Variants in TBL1XR1 observed in about 807,000 individuals in gnomAD.
TBL1XR1 encodes F-box-like/WD repeat-containing protein TBL1XR1.
TBL1XR1 carries 5 observed loss-of-function variants against 66.9 expected under a neutral mutation model. That is an observed-to-expected ratio of 0.07 (90% CI 0.04 to 0.16). The LOEUF is 0.16. Ranked by LOEUF, TBL1XR1 falls within the 10% of genes least tolerant of loss-of-function variation. The pLI is 1.00. For missense variants in TBL1XR1, 238 were observed against 623.2 expected (o/e 0.38, Z 6.58); for synonymous variants, 210 against 206.0 (o/e 1.02, Z -0.17).
chr3:177,116,025 G>C (rs557683758), intron 1 of TBL1XR1, among the ~76,000 whole-genome samples: 1 of 152,192 alleles, frequency 6.6e-6, no homozygotes, highest in East Asian at 1.9e-4. Context: ...ACTTCTTCCT[G>C]CTTAAATATG....
chr3:177,173,526 T>A (rs1006421437), intron 1 of TBL1XR1, among the ~76,000 whole-genome samples: 2 of 152,156 alleles, frequency 1.3e-5, no homozygotes, highest in Non-Finnish European at 2.9e-5. Context: ...CTCAGTCTAA[T>A]CATTACAAAT....
chr3:177,110,322 G>A (rs1725396033), intron 1 of TBL1XR1, among the ~76,000 whole-genome samples: 1 of 152,198 alleles, frequency 6.6e-6, no homozygotes, highest in Admixed American at 6.5e-5. Context: ...AAAATAGAAT[G>A]TCTAATGACT....
At chr3:177,065,197 C>T (rs1444844154) in intron 2 of TBL1XR1, among the ~76,000 whole-genome samples, 175 bp from the exon 3 acceptor site, 3 of 151,944 alleles carry the variant, frequency 2.0e-5, no homozygotes, top group Non-Finnish European at 4.4e-5. Flanking sequence ...ATTATACAAC[C>T]AAAACATGGC....
chr3:177,081,294 A>C (rs1315891142), intron 2 of TBL1XR1, among the ~76,000 whole-genome samples: 1 of 152,176 alleles, frequency 6.6e-6, no homozygotes, highest in Non-Finnish European at 1.5e-5. Flanking sequence ...CATGAAATTT[A>C]TTTTTCATTT....
intron 1 of TBL1XR1, among the ~76,000 whole-genome samples, chr3:177,184,873 T>C (rs2862702): frequency 1.3e-5 from 2 of 152,028 alleles, no homozygotes; most frequent in African/African-American, 2.4e-5. Flanking sequence ...ACAACACTTG[T>C]TAATCATACC....
At chr3:177,107,698 G>C (rs1343280180) in intron 1 of TBL1XR1, among the ~76,000 whole-genome samples, 1 of 152,012 alleles carries the variant, frequency 6.6e-6, no homozygotes, top group Non-Finnish European at 1.5e-5. Flanking sequence ...ACACCATCCG[G>C]GGATCATGAA....
Position 177,019,834 on chromosome 3 carries a change from T to C in TBL1XR1, c.*5664A>G, listed in dbSNP as rs983958825. ...AGGATATTACTAATAATCTATGCCA[T>C]GCAATAAAAGTTAACCCCTTGAAAA... On this transcript the variant is annotated 3_prime_UTR_variant, in exon 16 of 16. Transcript: ENST00000457928. 3.9e-5 allele frequency: 6 copies of C among 152,146 alleles called. No individual in the cohort carries two copies. Among genetic ancestry groups the C allele is most frequent in the African/African-American group, 1.4e-4 (6 of 41,452 alleles). 9.4% of individuals were successfully genotyped at this position (152,146 alleles called of 1,614,324 possible).
In TBL1XR1 at chr3:177,036,149, C is replaced by T. The variant is rs374215658; in HGVS notation, c.1123-1824G>A. ...TTACTGAAGTTACTTCTCAGTTTTC[C>T]AAGAAGATATGTGTCTATTTCTATA... On this transcript the variant is annotated intron_variant, in intron 12 of 15. Coordinates refer to ENST00000457928, the MANE Select transcript of TBL1XR1 (RefSeq NM_024665.7). Among the ~76,000 whole-genome samples, 14 of 152,276 alleles carry T rather than the reference C, an allele frequency of 9.2e-5. No homozygotes were observed. The South Asian group carries it at 2.7e-3, about 29-fold the overall frequency.
At chr3:177,036,385 T>G (rs181420180) in intron 12 of TBL1XR1, among the ~76,000 whole-genome samples, 1 of 152,222 alleles carries the variant, frequency 6.6e-6, no homozygotes, top group Non-Finnish European at 1.5e-5. Context: ...CATTCCCTCT[T>G]CTCAGAAAAC....
At chr3:177,171,702 C>CA (rs34278942) in intron 1 of TBL1XR1, among the ~76,000 whole-genome samples, 3,882 of 47,066 alleles carry the variant, frequency 0.082, 678 homozygotes, top group African/African-American at 0.11. Context: ...GACTCCGTCT[C>CA]AAAAAAAAAA....
intron 1 of TBL1XR1, among the ~76,000 whole-genome samples, chr3:177,128,527 C>T (rs572616475): frequency 9.2e-5 from 14 of 152,254 alleles, no homozygotes; most frequent in African/African-American, 2.9e-4. Flanking sequence ...ATGCATCCCA[C>T]CACGCCTGGT....
intron 1 of TBL1XR1, among the ~76,000 whole-genome samples, chr3:177,106,860 C>G (rs1174953523): frequency 6.6e-6 from 1 of 151,920 alleles, no homozygotes; most frequent in Non-Finnish European, 1.5e-5. Context: ...GCTACTAAGG[C>G]TATTGAATCC....
intron 9 of TBL1XR1, among the ~76,000 whole-genome samples, chr3:177,046,530 T>C (rs1350499331): frequency 6.6e-6 from 1 of 152,120 alleles, no homozygotes; most frequent in East Asian, 1.9e-4. Context: ...AAGAGAGAAG[T>C]TCTTGGTTAA....
intron 4 of TBL1XR1, among the ~76,000 whole-genome samples, chr3:177,052,362 C>T (rs1393484474): frequency 1.3e-5 from 2 of 152,264 alleles, no homozygotes; most frequent in South Asian, 2.1e-4. Flanking sequence ...TAGCTGGGAA[C>T]ATGCATATGT....
intron 2 of TBL1XR1, among the ~76,000 whole-genome samples, chr3:177,076,549 T>C (rs1356846774): frequency 6.6e-6 from 1 of 152,162 alleles, no homozygotes; most frequent in Non-Finnish European, 1.5e-5. Flanking sequence ...AGGATACAAT[T>C]CAATCTATAA....
intron 1 of TBL1XR1, among the ~76,000 whole-genome samples, chr3:177,128,212 C>T (rs1297393128): frequency 6.6e-6 from 1 of 152,000 alleles, no homozygotes; most frequent in African/African-American, 2.4e-5. Flanking sequence ...GAACAAGACT[C>T]CGTCTCAGGA....
chr3:177,194,420 T>C (rs1736563761), intron 1 of TBL1XR1, among the ~76,000 whole-genome samples: 1 of 152,230 alleles, frequency 6.6e-6, no homozygotes, highest in African/African-American at 2.4e-5. Flanking sequence ...CTCCCCTGAC[T>C]TCCTACCATT....
At chr3:177,082,511 A>G (rs774723736) in intron 2 of TBL1XR1, among the ~76,000 whole-genome samples, 9 of 151,562 alleles carry the variant, frequency 5.9e-5, no homozygotes, top group Non-Finnish European at 1.3e-4. Context: ...AATTGAGCCT[A>G]TCAGAATAAC....
rs145483026 is a variant in TBL1XR1, at chr3:177,197,092, C to G, written c.-122+29G>C. The G allele has an allele frequency of 0.039, 5,922 of 152,102 alleles. 747 individuals carry two copies. In the East Asian group the frequency reaches 0.49, roughly 13 times the overall value. 9.4% of individuals were successfully genotyped at this position (152,102 alleles called of 1,614,324 possible). A position where few individuals can be genotyped will look rare whatever the true frequency, so the allele number is the denominator to read the frequency against. On this transcript the variant is annotated intron_variant, in intron 1 of 15. Transcript: ENST00000457928. ...CCCCGCCCAGGCCCCCGGCCGCCCCCACTCCAGGGTCCGGCCCCCAGCGCT... is the reference window on the plus strand; with the variant it reads ...CCCCGCCCAGGCCCCCGGCCGCCCCGACTCCAGGGTCCGGCCCCCAGCGCT...
Sources: gnomAD v4.1 joint callset for allele counts (sites outside exome capture counted in the v4.1 genomes callset) on GRCh38, gnomAD v4.1.1 for gene constraint, MANE v1.5 for transcripts, NCBI Gene and HGNC (gene_info 2026-07-23, HGNC 2026-07-21) for gene names.